The following USH2A variants were observed in gnomAD, a reference collection of about 807,000 sequenced individuals.
USH2A encodes the protein usherin.
USH2A carries 443 observed loss-of-function variants against 538.9 expected under a neutral mutation model. That is an observed-to-expected ratio of 0.82 (90% CI 0.76 to 0.89). The LOEUF (loss-of-function observed/expected upper bound fraction) is 0.89, where lower values mean the gene tolerates loss of function less well. USH2A is among the 40% of genes least tolerant of loss of function. The pLI is 0.00. For missense variants in USH2A, 6,633 were observed against 6,324.8 expected (o/e 1.05, Z -1.65); for synonymous variants, 2,413 against 2,273.5 (o/e 1.06, Z -1.75).
intron 61 of USH2A, among the ~76,000 whole-genome samples, chr1:215,723,806 T>C (rs906215227): frequency 2.0e-5 from 3 of 152,158 alleles, no homozygotes; most frequent in Non-Finnish European, 4.4e-5. Flanking sequence ...AGGGAAGTAC[T>C]TGGGATGCGA....
intron 34 of USH2A, among the ~76,000 whole-genome samples, chr1:215,994,290 G>A (rs1253372116): frequency 1.3e-5 from 2 of 152,066 alleles, no homozygotes; most frequent in African/African-American, 4.8e-5. Context: ...GCGTCTCTCT[G>A]ATTTTTCAGT....
At position 216,422,116 on chromosome 1, in the gene USH2A, T is replaced by C. The variant is rs774419989; in HGVS notation, c.221A>G (p.Glu74Gly). 6.8e-6 allele frequency: 11 copies of C among 1,613,790 alleles called. No individual in the cohort carries two copies. Among genetic ancestry groups the C allele is most frequent in the East Asian group, 2.2e-5 (1 of 44,818 alleles). The change falls in exon 2 of 72, where the codon GAA (glutamate) becomes GGA (glycine). Residue 74 changes from glutamate to glycine, a missense_variant. Glu to Gly is a moderately conservative substitution (Grantham distance 98). Coordinates refer to ENST00000307340, the MANE Select transcript of USH2A (RefSeq NM_206933.4). ...STFCHSSAAA[E>G]SIQFCTQRFC... The stretch of plus-strand genomic sequence containing the variant: ...CCGCTGGGTACAGAACTGAATACTT[T>C]CAGCAGCAGCAGAGCTGTGACAAAA...
intron 49 of USH2A, among the ~76,000 whole-genome samples, chr1:215,807,120 A>AACTGGTCATT (rs1201294480): frequency 2.0e-5 from 3 of 152,110 alleles, no homozygotes; most frequent in African/African-American, 7.2e-5. Context: ...AGAAAGGCTC[A>AACTGGTCATT]ACTGGTCATT....
chr1:215,674,903 G>A lies in USH2A; in HGVS notation c.13008C>T (p.Cys4336=). 6.2e-7 allele frequency: 1 copy of A among 1,614,210 alleles called. No individual in the cohort carries two copies. The highest frequency in any genetic ancestry group is 8.5e-7 in the Non-Finnish European group (1 of 1,180,042). Residue 4336 remains cysteine, a synonymous_variant, in exon 63 of 72, where the codon TGC becomes TGT. Transcript: ENST00000307340. ...TGCTGGTGGAGCATCCTCCACTCGTGCAGGCTTGGAGTGCATAGCTATAGG... is the reference window on the plus strand; with the variant it reads ...TGCTGGTGGAGCATCCTCCACTCGTACAGGCTTGGAGTGCATAGCTATAGG... The part of the protein sequence containing the change: ...FSTYSYALQA[C]TSGGCSTSKP...
chr1:216,211,963 T>G (rs1269214966), intron 15 of USH2A, among the ~76,000 whole-genome samples: 2 of 152,150 alleles, frequency 1.3e-5, no homozygotes, highest in East Asian at 3.9e-4. Context: ...TTTAACATTT[T>G]TTAGTGAATA....
At chr1:216,405,355 T>A (rs150968012) in intron 3 of USH2A, among the ~76,000 whole-genome samples, 1 of 151,796 alleles carries the variant, frequency 6.6e-6, no homozygotes, top group East Asian at 1.9e-4. Context: ...AAATAAGCAA[T>A]CAAATTAGAA....
At chr1:215,763,050 G>T (rs1006721092) in intron 56 of USH2A, among the ~76,000 whole-genome samples, 3 of 152,132 alleles carry the variant, frequency 2.0e-5, no homozygotes, top group Admixed American at 6.6e-5. Context: ...CTGAAATCTG[G>T]TGATAGGAAC....
At chr1:215,653,985 G>A (rs1344545829) in intron 64 of USH2A, among the ~76,000 whole-genome samples, 2 of 152,130 alleles carry the variant, frequency 1.3e-5, no homozygotes, top group Non-Finnish European at 2.9e-5. Context: ...TGAACAAACA[G>A]TTGTGTATTT....
chr1:216,048,423 A>G (rs767822091), intron 31 of USH2A, 111 bp downstream of exon 31: 13 of 1,118,336 alleles, frequency 1.2e-5, no homozygotes, highest in Non-Finnish European at 1.5e-5. Context: ...GCACTTTGTC[A>G]TCAAATTAGG....
At chr1:216,149,065 C>A (rs2033773977) in intron 21 of USH2A, among the ~76,000 whole-genome samples, 1 of 152,084 alleles carries the variant, frequency 6.6e-6, no homozygotes. Flanking sequence ...TACAGAACAA[C>A]TCCTTTCCTT....
intron 2 of USH2A, 88 bp downstream of exon 2, chr1:216,421,764 A>C: frequency 6.3e-7 from 1 of 1,597,208 alleles, no homozygotes; most frequent in Non-Finnish European, 8.6e-7. Context: ...TATAGCCTTC[A>C]CTTCCGGTTT....
intron 4 of USH2A, among the ~76,000 whole-genome samples, chr1:216,351,955 G>A (rs1157349420): frequency 1.3e-5 from 2 of 152,114 alleles, no homozygotes; most frequent in African/African-American, 2.4e-5. Flanking sequence ...GAAGACCATG[G>A]AAGAAGTAGT....
rs190289822 is a variant in USH2A, at chr1:215,668,991, C to T, written c.14133+1981G>A. 5.9e-5 allele frequency among the ~76,000 whole-genome samples: 9 copies of T among 152,230 alleles called. No homozygotes were observed. In the East Asian group the frequency reaches 1.2e-3, roughly 20 times the overall value. ...CAGAGGTTGCAGTGAGTTGAGATCT[C>T]GAGATCTCACCACTGCACTCCAGCC... On this transcript the variant is annotated intron_variant, in intron 64 of 71. Transcript: ENST00000307340.
intron 46 of USH2A, among the ~76,000 whole-genome samples, chr1:215,843,769 T>C (rs1663759515): frequency 6.6e-6 from 1 of 152,180 alleles, no homozygotes; most frequent in Admixed American, 6.6e-5. Flanking sequence ...ATTTTTTATA[T>C]ATGTCTTCCT....
intron 47 of USH2A, among the ~76,000 whole-genome samples, chr1:215,831,853 T>C (rs1049218276): frequency 1.3e-5 from 2 of 151,754 alleles, no homozygotes; most frequent in Non-Finnish European, 2.9e-5. Context: ...GTAGATGATA[T>C]AGAAAATAAA....
At chr1:215,902,837 A>G (rs1169163133) in intron 38 of USH2A, among the ~76,000 whole-genome samples, 1 of 152,162 alleles carries the variant, frequency 6.6e-6, no homozygotes, top group Non-Finnish European at 1.5e-5. Flanking sequence ...TTTAAGGAAC[A>G]GTGTGGCTAA....
In USH2A at chr1:215,647,590, C is replaced by G; in HGVS notation, c.14723G>C (p.Arg4908Thr). Residue 4908 changes from arginine to threonine, a missense_variant, in exon 67 of 72, where the codon AGA becomes ACA. Coordinates refer to ENST00000307340, the MANE Select transcript of USH2A (RefSeq NM_206933.4). ...GCCCACCTCGTTGTGTGCCACCACT[C>G]TCAGCTTGTATGTGGTGTAGGGCTG... ...GLQPYTTYKL[R>T]VVAHNEVGST... 17 of 1,614,178 alleles carry G rather than the reference C, an allele frequency of 1.1e-5. No homozygotes were observed. Among genetic ancestry groups the G allele is most frequent in the Non-Finnish European group, 1.4e-5 (17 of 1,180,034 alleles).
At chr1:216,092,276 T>A (rs1382613858) in intron 22 of USH2A, among the ~76,000 whole-genome samples, 1 of 152,146 alleles carries the variant, frequency 6.6e-6, no homozygotes, top group Non-Finnish European at 1.5e-5. Context: ...ATTCATAGAC[T>A]TTGCCCTCAC....
At chr1:216,093,849 T>C (rs2032366865) in intron 22 of USH2A, among the ~76,000 whole-genome samples, 1 of 152,234 alleles carries the variant, frequency 6.6e-6, no homozygotes. Context: ...AAAGTTTCAT[T>C]GAATAAAATA....
Sources: allele counts gnomAD v4.1 joint callset (sites outside exome capture counted in the v4.1 genomes callset), GRCh38; gene constraint gnomAD v4.1.1; transcripts MANE v1.5; gene names NCBI Gene and HGNC (gene_info 2026-07-23, HGNC 2026-07-21).